CCSER1: variants seen among roughly 807,000 people sequenced by gnomAD.
The protein encoded by CCSER1 is serine-rich coiled-coil domain-containing protein 1.
A neutral mutation model predicts 82.0 loss-of-function variants in CCSER1; 41 were observed. That is an observed-to-expected ratio of 0.50 (90% CI 0.39 to 0.65). The LOEUF is 0.65. Ranked by LOEUF, CCSER1 falls within the 30% of genes least tolerant of loss-of-function variation. CCSER1 has a pLI of 0.00. For synonymous variants in CCSER1, 414 were observed against 383.9 expected, an observed-to-expected ratio of 1.08 and a Z score of -0.92; for missense variants, 1,119 against 1,064.2, an observed-to-expected ratio of 1.05 and a Z score of -0.72.
At chr4:91,187,252 A>C (rs974680770) in intron 10 of CCSER1, among the ~76,000 whole-genome samples, 1 of 152,214 alleles carries the variant, frequency 6.6e-6, no homozygotes, top group Non-Finnish European at 1.5e-5. Context: ...TGGAAGCTGT[A>C]GACTGGAGCT....
intron 5 of CCSER1, among the ~76,000 whole-genome samples, chr4:90,515,641 A>T (rs1471816646): frequency 2.0e-5 from 3 of 152,200 alleles, no homozygotes; most frequent in Non-Finnish European, 4.4e-5. Context: ...TAGGCCTGTA[A>T]ATCTAAGCAC....
chr4:91,555,218 G>T (rs1402081789), intron 10 of CCSER1, among the ~76,000 whole-genome samples: 1 of 150,892 alleles, frequency 6.6e-6, no homozygotes, highest in Admixed American at 6.6e-5. Context: ...TTTTCTCTTT[G>T]TAAATTGGCC....
At chr4:90,645,537 G>A (rs189796557) in intron 6 of CCSER1, among the ~76,000 whole-genome samples, 4 of 152,154 alleles carry the variant, frequency 2.6e-5, no homozygotes, top group Admixed American at 6.5e-5. Context: ...TTTTAATTGC[G>A]TATTCTCAGA....
intron 5 of CCSER1, among the ~76,000 whole-genome samples, chr4:90,494,614 T>A (rs888824609): frequency 6.6e-6 from 1 of 152,186 alleles, no homozygotes; most frequent in Non-Finnish European, 1.5e-5. Flanking sequence ...GGATTTATCC[T>A]TTTGGAAATT....
At chr4:90,430,226 ATATT>A (rs1211493217) in intron 4 of CCSER1, among the ~76,000 whole-genome samples, 2 of 151,932 alleles carry the variant, frequency 1.3e-5, no homozygotes, top group Non-Finnish European at 2.9e-5. Flanking sequence ...ATGCAAGTGA[ATATT>A]TATGTATCAT....
rs983031438 is a variant in CCSER1 at position 90,492,601 on chromosome 4, T to C, written c.1724+24247T>C. ...ACTCTTGCTTCTCTAGTTGCTTTAA[T>C]TGTGATGTTAGGGTGTCAATTTTAG... is the stretch of plus-strand genomic sequence containing the variant. On this transcript the variant is annotated intron_variant, in intron 5 of 10. Coordinates refer to ENST00000509176, the MANE Select transcript of CCSER1 (RefSeq NM_001145065.2). Among the ~76,000 whole-genome samples the C allele has an allele frequency of 2.0e-5, 3 of 152,304 alleles. No individual in the cohort carries two copies. The East Asian group carries it at 5.8e-4, about 29-fold the overall frequency.
intron 10 of CCSER1, among the ~76,000 whole-genome samples, chr4:91,427,706 A>G (rs13146599): frequency 0.84 from 127,510 of 152,028 alleles, 53,874 homozygotes; most frequent in African/African-American, 0.94. Context: ...AATATTAGCC[A>G]TTATTCTTAT....
intron 10 of CCSER1, among the ~76,000 whole-genome samples, chr4:91,229,354 TA>T (rs148204032): frequency 2.7e-5 from 4 of 146,962 alleles, no homozygotes; most frequent in Non-Finnish European, 4.5e-5. Flanking sequence ...TGTTTTGAAT[TA>T]AAAAAAAAAC....
intron 9 of CCSER1, among the ~76,000 whole-genome samples, chr4:91,078,250 A>G (rs1375640270): frequency 6.6e-6 from 1 of 152,192 alleles, no homozygotes; most frequent in Admixed American, 6.5e-5. Flanking sequence ...AAGCTTCCAG[A>G]GGAAGGATTA....
intron 10 of CCSER1, among the ~76,000 whole-genome samples, chr4:91,420,326 A>T (rs1753618339): frequency 1.3e-5 from 2 of 152,128 alleles, no homozygotes; most frequent in Non-Finnish European, 2.9e-5. Flanking sequence ...TAAGGAACTC[A>T]TCTAACTCAA....
intron 7 of CCSER1, among the ~76,000 whole-genome samples, chr4:90,736,182 C>G (rs1745614694): frequency 6.6e-6 from 1 of 151,986 alleles, no homozygotes; most frequent in Admixed American, 6.5e-5. Flanking sequence ...ATTCTGAAGC[C>G]TTTGGATGAA....
chr4:90,674,203 TA>T (rs1333458803), intron 6 of CCSER1, among the ~76,000 whole-genome samples: 1 of 151,940 alleles, frequency 6.6e-6, no homozygotes, highest in Non-Finnish European at 1.5e-5. Flanking sequence ...TTTTTTTCAA[TA>T]GAGAGAATTA....
chr4:91,431,976 G>A (rs984333375), intron 10 of CCSER1, among the ~76,000 whole-genome samples: 26 of 151,874 alleles, frequency 1.7e-4, no homozygotes, highest in African/African-American at 4.3e-4. Context: ...ATCTCATCTC[G>A]AATTATAATC....
intron 10 of CCSER1, among the ~76,000 whole-genome samples, chr4:91,109,910 A>T (rs1434667894): frequency 1.3e-5 from 2 of 152,146 alleles, no homozygotes; most frequent in African/African-American, 2.4e-5. Flanking sequence ...GACATCTATG[A>T]CACAAAAATT....
intron 6 of CCSER1, among the ~76,000 whole-genome samples, chr4:90,714,513 A>T (rs1005198579): frequency 9.9e-5 from 15 of 151,982 alleles, no homozygotes; most frequent in Non-Finnish European, 1.5e-4. Flanking sequence ...ACCAAAACAT[A>T]AAGAGGCCTT....
At position 91,255,029 on chromosome 4, in the gene CCSER1, T is replaced by G. The variant is rs78154425; in HGVS notation, c.2217+169035T>G. Among the ~76,000 whole-genome samples, 105 of 152,262 alleles carry G rather than the reference T, an allele frequency of 6.9e-4. 2 individuals carry two copies. In the East Asian group the frequency reaches 0.02, roughly 29 times the overall value. ...AGTATTTGTCATTTAGTGACCAGCC[T>G]ATTCATATCTGCCTTGTTTTAAAGC... On this transcript the variant is annotated intron_variant, in intron 10 of 10. Transcript: ENST00000509176.
intron 8 of CCSER1, among the ~76,000 whole-genome samples, chr4:90,902,330 C>T (rs1333510807): frequency 6.6e-6 from 1 of 151,894 alleles, no homozygotes. Context: ...TGCTAGATAG[C>T]TAGTATGATC....
At chr4:91,359,094 G>GACACTGAAAACCCTAT (rs1553927884) in intron 10 of CCSER1, among the ~76,000 whole-genome samples, 14 of 151,880 alleles carry the variant, frequency 9.2e-5, no homozygotes, top group South Asian at 2.1e-4. Flanking sequence ...CCTTTTAAGG[G>GACACTGAAAACCCTAT]CTCACAACAC....
chr4:90,859,749 A>G (rs1427011823), intron 8 of CCSER1, among the ~76,000 whole-genome samples: 1 of 151,376 alleles, frequency 6.6e-6, no homozygotes, highest in African/African-American at 2.4e-5. Context: ...CTGCTACTAA[A>G]CACATGTTTC....
Sources: gnomAD v4.1 joint callset for allele counts (sites outside exome capture counted in the v4.1 genomes callset) on GRCh38, gnomAD v4.1.1 for gene constraint, MANE v1.5 for transcripts, NCBI Gene and HGNC (gene_info 2026-07-23, HGNC 2026-07-21) for gene names.